Variants in LRGUK observed in about 807,000 individuals in gnomAD.
LRGUK encodes the protein leucine rich repeats and guanylate kinase domain containing, also known as leucine-rich repeat and guanylate kinase domain-containing protein.
A neutral mutation model predicts 76.0 loss-of-function variants in LRGUK; 65 were observed. The observed-to-expected ratio is 0.85, with a 90% confidence interval of 0.70 to 1.05. The LOEUF is 1.05. Ranked by LOEUF, LRGUK falls within the 50% of genes least tolerant of loss-of-function variation. The probability of loss-of-function intolerance (pLI) is 0.00; values close to 1 mark genes in which losing one functional copy is unlikely to be tolerated. For missense variants in LRGUK, 758 were observed against 732.8 expected (o/e 1.03, Z -0.40); for synonymous variants, 268 against 265.6 (o/e 1.01, Z -0.09).
chr7:134,228,174 A>C (rs1801807237), intron 16 of LRGUK, among the ~76,000 whole-genome samples: 1 of 152,206 alleles, frequency 6.6e-6, no homozygotes, highest in Non-Finnish European at 1.5e-5. Flanking sequence ...TTTCCAAAAG[A>C]ACTCATGAAA....
At chr7:134,266,652 T>C (rs1585616397), downstream of LRGUK, among the ~76,000 whole-genome samples, 1 of 152,316 alleles carries the variant, frequency 6.6e-6, no homozygotes, top group Middle Eastern at 3.4e-3. Context: ...CCCAGGGATG[T>C]GTAGGACTAT....
chr7:134,275,705 G>A, the LRGUK span, among the ~76,000 whole-genome samples: 2 of 152,214 alleles, frequency 1.3e-5, no homozygotes, highest in Admixed American at 1.3e-4. Flanking sequence ...AGGAGAGGTA[G>A]CTGCCAATAT....
At chr7:134,224,445 G>A (rs895036066) in intron 16 of LRGUK, among the ~76,000 whole-genome samples, 5 of 152,088 alleles carry the variant, frequency 3.3e-5, no homozygotes, top group East Asian at 1.9e-4. Flanking sequence ...TTAGTAAACC[G>A]ATGCAGGATC....
intron 11 of LRGUK, among the ~76,000 whole-genome samples, chr7:134,190,312 G>A (rs1451498401): frequency 2.0e-5 from 3 of 152,062 alleles, no homozygotes; most frequent in Non-Finnish European, 4.4e-5. Flanking sequence ...GCTCAAGTGA[G>A]CCTCACACCT....
chr7:134,193,960 A>T (rs1249619591), intron 12 of LRGUK, among the ~76,000 whole-genome samples: 1 of 152,114 alleles, frequency 6.6e-6, no homozygotes, highest in African/African-American at 2.4e-5. Context: ...ATCCCATCAG[A>T]CACTTCCCCC....
chr7:134,258,389 C>A lies in LRGUK; in HGVS notation c.2331C>A (p.Thr777=), dbSNP rs778423903. The stretch of plus-strand genomic sequence containing the variant: ...GATCAGGAGCCAGTGACAGTGAGAC[C>A]GAAGAGACCCGGAAAGGTATGAGTT... Residue 777 remains threonine (T), a synonymous_variant, in exon 19 of 20, where the codon ACC becomes ACA. Coordinates refer to the LRGUK transcript ENST00000285928. 2.1e-5 allele frequency: 34 copies of A among 1,613,602 alleles called. No individual in the cohort carries two copies. In the East Asian group the frequency reaches 7.4e-4, roughly 35 times the overall value.
downstream of LRGUK, among the ~76,000 whole-genome samples, chr7:134,214,649 T>C (rs1471550473): frequency 2.6e-5 from 4 of 152,212 alleles, no homozygotes; most frequent in Non-Finnish European, 5.9e-5. Context: ...AGTATGGCTC[T>C]AGTTATTAGC....
chr7:134,144,527 T>A (rs1269235161), intron 4 of LRGUK, among the ~76,000 whole-genome samples: 1 of 152,250 alleles, frequency 6.6e-6, no homozygotes. Flanking sequence ...TGTTGTTGTA[T>A]TGGACTCAAA....
chr7:134,272,904 TCA>T, the LRGUK span, among the ~76,000 whole-genome samples: 1 of 152,174 alleles, frequency 6.6e-6, no homozygotes, highest in East Asian at 1.9e-4. Flanking sequence ...CTCATTTAAT[TCA>T]CAGTTTCTCC....
intron 1 of LRGUK, among the ~76,000 whole-genome samples, chr7:134,131,812 T>C (rs1797319466): frequency 6.6e-6 from 1 of 151,834 alleles, no homozygotes; most frequent in Non-Finnish European, 1.5e-5. Context: ...ATATGAACAA[T>C]ATGACTGGAA....
chr7:134,240,827 G>A (rs1271314236), intron 16 of LRGUK, among the ~76,000 whole-genome samples: 1 of 152,174 alleles, frequency 6.6e-6, no homozygotes, highest in Non-Finnish European at 1.5e-5. Flanking sequence ...CCCACAAAGG[G>A]AAGCCCATCA....
intron 5 of LRGUK, among the ~76,000 whole-genome samples, chr7:134,151,401 T>G (rs1220384970): frequency 6.6e-6 from 1 of 151,930 alleles, no homozygotes; most frequent in Non-Finnish European, 1.5e-5. Flanking sequence ...TTACTATAAA[T>G]TAAAATAAGC....
chr7:134,229,278 G>T (rs992992794), intron 16 of LRGUK, among the ~76,000 whole-genome samples: 3 of 151,832 alleles, frequency 2.0e-5, no homozygotes, highest in Non-Finnish European at 2.9e-5. Context: ...CATGAGAATC[G>T]CTTGAACCTG....
At chr7:134,151,306 GATGAAATAC>G (rs1439340755) in intron 5 of LRGUK, among the ~76,000 whole-genome samples, 5 of 152,006 alleles carry the variant, frequency 3.3e-5, no homozygotes, top group Admixed American at 2.6e-4. Flanking sequence ...TGAAAACTTG[GATGAAATAC>G]AAAAATTCCT....
chr7:134,239,095 A>G (rs1026266042), intron 16 of LRGUK, among the ~76,000 whole-genome samples: 1 of 152,166 alleles, frequency 6.6e-6, no homozygotes, highest in Non-Finnish European at 1.5e-5. Flanking sequence ...TGACTTCTGG[A>G]GGTTCCAAGA....
intron 15 of LRGUK, among the ~76,000 whole-genome samples, chr7:134,219,157 A>G (rs1052233464): frequency 6.6e-6 from 1 of 152,216 alleles, no homozygotes; most frequent in Non-Finnish European, 1.5e-5. Flanking sequence ...ATTGGTAATT[A>G]TGGTTTTTTC....
chr7:134,191,632 G>A, intron 11 of LRGUK, 23 bp from the exon 12 acceptor site: 1 of 1,476,138 alleles, frequency 6.8e-7, no homozygotes, highest in Admixed American at 1.7e-5. Context: ...AAATGGACTA[G>A]GTGATCTGTT....
At chr7:134,258,787 T>A (rs1413730057) in intron 19 of LRGUK, among the ~76,000 whole-genome samples, 2 of 152,186 alleles carry the variant, frequency 1.3e-5, no homozygotes, top group Non-Finnish European at 2.9e-5. Flanking sequence ...CCTACTGTCT[T>A]TTTATTGATC....
intron 16 of LRGUK, among the ~76,000 whole-genome samples, chr7:134,242,574 C>G (rs1413931055): frequency 4.0e-5 from 6 of 151,886 alleles, no homozygotes; most frequent in African/African-American, 1.5e-4. Context: ...GCCTACCAAC[C>G]AAAAAAAGTC....
Sources: gnomAD v4.1 joint callset for allele counts (sites outside exome capture counted in the v4.1 genomes callset) on GRCh38, gnomAD v4.1.1 for gene constraint, MANE v1.5 for transcripts, NCBI Gene and HGNC (gene_info 2026-07-23, HGNC 2026-07-21) for gene names.